P3H2: variants seen among roughly 807,000 people sequenced by gnomAD.
P3H2 encodes the protein prolyl 3-hydroxylase 2, also known as leprecan-like 1.
In P3H2, 80 loss-of-function variants were observed where a neutral mutation model predicts 87.0. The observed-to-expected ratio is 0.92, with a 90% CI of 0.77 to 1.11. The LOEUF is 1.11. P3H2 is among the 50% of genes least tolerant of loss of function. P3H2 has a pLI of 0.00. For missense variants in P3H2, 1,001 were observed against 923.9 expected, an observed-to-expected ratio of 1.08 and a Z score of -1.08; for synonymous variants, 367 against 359.3, an observed-to-expected ratio of 1.02 and a Z score of -0.24.
rs914760113 is a variant in P3H2 at position 190,120,479 on chromosome 3, C to T, written c.253G>A (p.Ala85Thr). Residue 85 changes from alanine to threonine, a missense_variant, in exon 1 of 15, where the codon GCC (alanine) becomes ACC (threonine). Coordinates refer to ENST00000319332, the MANE Select transcript of P3H2 (RefSeq NM_018192.4). ...RRLREIRTRC[A>T]RHCAARHPLP... The stretch of plus-strand genomic sequence containing the variant: ...GGGTGGCGCGCCGCGCAGTGGCGGG[C>T]ACAGCGCGTGCGGATTTCCCGCAGG... 11 of 1,440,250 alleles carry T rather than the reference C, an allele frequency of 7.6e-6. No homozygotes were observed. In the African/African-American group the frequency reaches 1.2e-4, roughly 15 times the overall value. The allele number at this position is 1,440,250 out of a possible 1,614,324, so 89.2% of individuals were successfully genotyped here. A position where few individuals can be genotyped will look rare whatever the true frequency, so the allele number is the denominator to read the frequency against.
chr3:189,976,628 C>T (rs1216650579), intron 8 of P3H2, among the ~76,000 whole-genome samples: 2 of 152,166 alleles, frequency 1.3e-5, no homozygotes, highest in African/African-American at 4.8e-5. Context: ...TTTATAAGTG[C>T]ATCGTATTTC....
chr3:189,966,064 GAGAA>G (rs1158825917), intron 13 of P3H2, among the ~76,000 whole-genome samples: 4 of 119,616 alleles, frequency 3.3e-5, no homozygotes, highest in African/African-American at 1.3e-4. Flanking sequence ...AAGAAAGAAA[GAGAA>G]AGAAGGAAAG....
chr3:189,957,431 A>G lies in P3H2; in HGVS notation c.*481T>C, dbSNP rs1424664492. ...ATTCTCTCTAAGCTTTTGAATTTGC[A>G]GCAACTTAATTGTGTGTGTGTGTGT... On this transcript the variant is annotated 3_prime_UTR_variant, in exon 15 of 15. Transcript: ENST00000319332. 2 of 362,246 alleles carry G rather than the reference A, an allele frequency of 5.5e-6. No homozygotes were observed. Among genetic ancestry groups the G allele is most frequent in the Admixed American group, 9.0e-5 (2 of 22,316 alleles). 22.4% of individuals were successfully genotyped at this position (362,246 alleles called of 1,614,324 possible).
chr3:189,996,567 C>G (rs1724058303), intron 1 of P3H2, among the ~76,000 whole-genome samples: 1 of 152,110 alleles, frequency 6.6e-6, no homozygotes, highest in African/African-American at 2.4e-5. Flanking sequence ...CAATAGCTAA[C>G]AATTATGTAT....
chr3:190,010,537 G>A, intron 1 of P3H2, among the ~76,000 whole-genome samples: 1 of 141,256 alleles, frequency 7.1e-6, no homozygotes, highest in Admixed American at 6.8e-5. Context: ...AGAGACACCA[G>A]GAGAACGAGC....
intron 1 of P3H2, among the ~76,000 whole-genome samples, chr3:190,010,985 T>G (rs2108934315): frequency 6.6e-6 from 1 of 152,232 alleles, no homozygotes; most frequent in Non-Finnish European, 1.5e-5. Context: ...CATTACGACA[T>G]TAAAACAGAA....
intron 1 of P3H2, among the ~76,000 whole-genome samples, chr3:190,025,222 A>G (rs1725051486): frequency 6.6e-6 from 1 of 152,258 alleles, no homozygotes; most frequent in South Asian, 2.1e-4. Context: ...TTCTCCAGGA[A>G]TAATTTCCCT....
At chr3:190,082,365 G>C (rs994862163) in intron 1 of P3H2, among the ~76,000 whole-genome samples, 2 of 152,050 alleles carry the variant, frequency 1.3e-5, no homozygotes, top group African/African-American at 4.8e-5. Flanking sequence ...AAACATACAA[G>C]GTAGTCTTGG....
At chr3:189,981,070 C>T (rs555623446) in intron 8 of P3H2, among the ~76,000 whole-genome samples, 1 of 152,340 alleles carries the variant, frequency 6.6e-6, no homozygotes, top group Admixed American at 6.5e-5. Context: ...GCTCCTCCTG[C>T]CATCCCCCCA....
At chr3:190,070,613 T>G (rs1473533750) in intron 1 of P3H2, among the ~76,000 whole-genome samples, 1 of 152,138 alleles carries the variant, frequency 6.6e-6, no homozygotes, top group Non-Finnish European at 1.5e-5. Context: ...GGCAACGACT[T>G]ACAAGACAAA....
chr3:189,981,393 A>C (rs541798288), intron 8 of P3H2, among the ~76,000 whole-genome samples: 1 of 152,306 alleles, frequency 6.6e-6, no homozygotes, highest in East Asian at 1.9e-4. Flanking sequence ...GTTGCTATCC[A>C]CTGGAGAATT....
At position 190,120,529 on chromosome 3, in the gene P3H2, T is replaced by G; in HGVS notation, c.203A>C (p.Glu68Ala). ...GDYERAVRDL[E>A]AALRSHRRLR... ...GCGCCGGTGGCTGCGCAGCGCCGCT[T>G]CCAAGTCGCGCACCGCTCGCTCGTA... The change falls in exon 1 of 15, where the codon GAA becomes GCA. Residue 68 changes from glutamate to alanine, a missense_variant. Transcript: ENST00000319332. 2 of 1,492,680 alleles carry G rather than the reference T, an allele frequency of 1.3e-6. No homozygotes were observed. The highest frequency in any genetic ancestry group is 1.8e-6 in the Non-Finnish European group (2 of 1,129,122). The allele number at this position is 1,492,680 out of a possible 1,614,324, so 92.5% of individuals were successfully genotyped here. A position where few individuals can be genotyped will look rare whatever the true frequency, so the allele number is the denominator to read the frequency against.
At chr3:189,979,861 G>T (rs1213904689) in intron 8 of P3H2, among the ~76,000 whole-genome samples, 1 of 152,116 alleles carries the variant, frequency 6.6e-6, no homozygotes, top group South Asian at 2.1e-4. Flanking sequence ...CCAGCTACTC[G>T]GGAGGCTGAG....
intron 1 of P3H2, among the ~76,000 whole-genome samples, chr3:190,014,955 ATC>A (rs900789373): frequency 4.6e-5 from 7 of 152,134 alleles, no homozygotes; most frequent in South Asian, 2.1e-4. Context: ...ACCATTCAAT[ATC>A]TCTGAATCTG....
At chr3:190,006,514 T>TA (rs1724393112) in intron 1 of P3H2, among the ~76,000 whole-genome samples, 1 of 152,168 alleles carries the variant, frequency 6.6e-6, no homozygotes, top group Middle Eastern at 3.2e-3. Flanking sequence ...GGATACAAAA[T>TA]AAATGTGACA....
chr3:190,013,862 A>G (rs950578685), intron 1 of P3H2, among the ~76,000 whole-genome samples: 4 of 152,346 alleles, frequency 2.6e-5, no homozygotes, highest in Admixed American at 2.6e-4. Flanking sequence ...TGCATATGAA[A>G]TATTACACTG....
At chr3:190,033,882 T>G in intron 1 of P3H2, among the ~76,000 whole-genome samples, 1 of 152,308 alleles carries the variant, frequency 6.6e-6, no homozygotes, top group Non-Finnish European at 1.5e-5. Flanking sequence ...GACAATCTCC[T>G]CTTTTCAACA....
chr3:190,102,954 A>G (rs566539937), intron 1 of P3H2, among the ~76,000 whole-genome samples: 1 of 152,366 alleles, frequency 6.6e-6, no homozygotes, highest in South Asian at 2.1e-4. Flanking sequence ...GTCCACCAGC[A>G]AAAAGACTGT....
chr3:190,069,360 G>C (rs1489867269), intron 1 of P3H2, among the ~76,000 whole-genome samples: 5 of 152,076 alleles, frequency 3.3e-5, no homozygotes, highest in Non-Finnish European at 7.4e-5. Context: ...ACATTTCACT[G>C]ATTTCAGGAC....
Sources: allele counts gnomAD v4.1 joint callset (sites outside exome capture counted in the v4.1 genomes callset), GRCh38; gene constraint gnomAD v4.1.1; transcripts MANE v1.5; gene names NCBI Gene and HGNC (gene_info 2026-07-23, HGNC 2026-07-21).